The following NAV2 variants were observed in gnomAD, a reference collection of about 807,000 sequenced individuals.
NAV2 encodes helicase, APC down-regulated 1.
In NAV2, 54 loss-of-function variants were observed where a neutral mutation model predicts 223.2. The ratio of observed to expected loss-of-function variants is 0.24; its 90% CI spans 0.19 to 0.30. The LOEUF is 0.30. Ranked by LOEUF, NAV2 falls within the 10% of genes least tolerant of loss-of-function variation. NAV2 has a pLI of 1.00. For missense variants in NAV2, 2,806 were observed against 3,147.5 expected (o/e 0.89, Z 2.60); for synonymous variants, 1,279 against 1,239.3 (o/e 1.03, Z -0.67).
chr11:19,394,697 G>T (rs1849381230), intron 1 of NAV2, among the ~76,000 whole-genome samples: 1 of 152,220 alleles, frequency 6.6e-6, no homozygotes, highest in Admixed American at 6.5e-5. Context: ...CAGGCAGAGT[G>T]AAGTTGATGA....
chr11:19,491,071 G>A (rs997914379), intron 1 of NAV2, among the ~76,000 whole-genome samples: 3 of 152,042 alleles, frequency 2.0e-5, no homozygotes, highest in African/African-American at 7.2e-5. Context: ...AAAATATTTA[G>A]TAAACCATGC....
intron 25 of NAV2, chr11:20,082,531 T>G (rs2060154857): frequency 5.7e-6 from 9 of 1,575,760 alleles, no homozygotes; most frequent in Non-Finnish European, 7.9e-6. Context: ...TGGCTTTCTC[T>G]GTTAAAAAAT....
intron 1 of NAV2, among the ~76,000 whole-genome samples, chr11:19,537,865 A>G (rs1181183018): frequency 6.6e-6 from 1 of 152,246 alleles, no homozygotes. Flanking sequence ...GGAAATAATA[A>G]TAGCACCTGC....
intron 1 of NAV2, among the ~76,000 whole-genome samples, chr11:19,389,267 C>T (rs1381908015): frequency 6.6e-6 from 1 of 152,214 alleles, no homozygotes; most frequent in African/African-American, 2.4e-5. Flanking sequence ...CTACTATGCA[C>T]AAGACAGGGC....
At chr11:19,701,126 T>C (rs2049500655) in intron 1 of NAV2, among the ~76,000 whole-genome samples, 1 of 152,160 alleles carries the variant, frequency 6.6e-6, no homozygotes, top group African/African-American at 2.4e-5. Flanking sequence ...CACAGTGAAG[T>C]CTGCCAGATC....
Position 19,602,839 on chromosome 11 carries a change from C to A in NAV2, c.76-229645C>A, listed in dbSNP as rs1401793351. The stretch of plus-strand genomic sequence containing the variant: ...CTAATCTAGGATAATCTCATCTATA[C>A]CATTAACTTTATACCTGCAAAGATC... On this transcript the variant is annotated intron_variant, in intron 1 of 37. Coordinates refer to the NAV2 transcript ENST00000360655. Among the ~76,000 whole-genome samples the A allele has an allele frequency of 5.4e-5, 8 of 148,508 alleles. 1 individual carries two copies. The East Asian group carries it at 1.6e-3, about 30-fold the overall frequency.
intron 18 of NAV2, among the ~76,000 whole-genome samples, chr11:20,054,893 C>A (rs1207661645): frequency 6.6e-6 from 1 of 152,064 alleles, no homozygotes; most frequent in Non-Finnish European, 1.5e-5. Context: ...GAGAACAATC[C>A]AGAGCTTTAT....
chr11:19,793,206 C>CAAAAAAAAAAA (rs557365857), intron 1 of NAV2, among the ~76,000 whole-genome samples: 1 of 58,264 alleles, frequency 1.7e-5, no homozygotes, highest in African/African-American at 6.6e-5. Flanking sequence ...CACTCTGTCT[C>CAAAAAAAAAAA]AAAAAAAAAA....
rs571131369 is a variant in NAV2 at position 19,556,802 on chromosome 11, A to G, written c.75+205775A>G. Among the ~76,000 whole-genome samples, 7 of 152,376 alleles carry G rather than the reference A, an allele frequency of 4.6e-5. No homozygotes were observed. In the South Asian group the frequency reaches 8.3e-4, roughly 18 times the overall value. On this transcript the variant is annotated intron_variant, in intron 1 of 37. Coordinates refer to the NAV2 transcript ENST00000360655. The stretch of plus-strand genomic sequence containing the variant: ...GTTTCTGTCAGTGACAAAGTTGTCT[A>G]TATAGCTAAAACTACTGTTATTTGA...
upstream of NAV2, among the ~76,000 whole-genome samples, chr11:19,348,851 C>T (rs954757489): frequency 5.9e-5 from 9 of 152,308 alleles, no homozygotes; most frequent in African/African-American, 2.2e-4. Flanking sequence ...AGATTTGAAC[C>T]TAGGTCTGCC....
chr11:19,802,826 A>AATC, intron 1 of NAV2, among the ~76,000 whole-genome samples: 1 of 152,172 alleles, frequency 6.6e-6, no homozygotes, highest in Non-Finnish European at 1.5e-5. Flanking sequence ...CTCCCACACA[A>AATC]ATCAGCCTTC....
chr11:19,565,080 A>G (rs2045224883), intron 1 of NAV2, among the ~76,000 whole-genome samples: 1 of 151,860 alleles, frequency 6.6e-6, no homozygotes, highest in African/African-American at 2.4e-5. Flanking sequence ...TGTTGCAGTG[A>G]GCCGAGATCA....
At chr11:19,547,043 G>C (rs1353443512) in intron 1 of NAV2, among the ~76,000 whole-genome samples, 6 of 152,304 alleles carry the variant, frequency 3.9e-5, no homozygotes, top group Admixed American at 3.3e-4. Context: ...GGGTGCACCG[G>C]AACTGTGTCC....
At chr11:19,509,936 A>T (rs1004926006) in intron 1 of NAV2, among the ~76,000 whole-genome samples, 4 of 152,126 alleles carry the variant, frequency 2.6e-5, no homozygotes, top group Non-Finnish European at 4.4e-5. Context: ...GTCTTTTCTC[A>T]TTCCTGGGGT....
In NAV2 at chr11:20,023,915, T is replaced by G. The variant is rs113512687; in HGVS notation, c.2769-12044T>G. On this transcript the variant is annotated intron_variant, in intron 11 of 37. Coordinates refer to ENST00000349880, the MANE Select transcript of NAV2 (RefSeq NM_145117.5). ...CAAGCATCTAGCAGACATTGTGTCA[T>G]TCAATTTCATTGCAAAGCCAGGGAG... is the stretch of plus-strand genomic sequence containing the variant. Among the ~76,000 whole-genome samples, 62 of 152,260 alleles carry G rather than the reference T, an allele frequency of 4.1e-4. 1 individual carries two copies. Among genetic ancestry groups the G allele is most frequent in the African/African-American group, 1.4e-3 (59 of 41,540 alleles).
chr11:19,892,484 C>A lies in NAV2; in HGVS notation c.821C>A (p.Thr274Lys). ...TCCGCTGCAGGCAGCGAGGCCAAAACACGCGGAGGGTCAACTACTGCTAAC... is the reference window on the plus strand; with the variant it reads ...TCCGCTGCAGGCAGCGAGGCCAAAAAACGCGGAGGGTCAACTACTGCTAAC... ...RVSAAGSEAK[T>K]RGGSTTANNR... is the part of the protein sequence containing the mutation. Residue 274 changes from threonine (T) to lysine (K), a missense_variant, in exon 6 of 38, where the codon ACA becomes AAA. By Grantham distance (78) the Thr-to-Lys change is moderately conservative. This residue lies in a region of NAV2 where 1,167 missense variants were observed against 1,180.5 expected (regional missense o/e 0.99). Transcript: ENST00000349880. 6.2e-7 allele frequency: 1 copy of A among 1,614,154 alleles called. No individual in the cohort carries two copies. Among genetic ancestry groups the A allele is most frequent in the Non-Finnish European group, 8.5e-7 (1 of 1,180,010 alleles).
At chr11:20,076,060 C>G (rs1210341823) in intron 22 of NAV2, among the ~76,000 whole-genome samples, 1 of 152,116 alleles carries the variant, frequency 6.6e-6, no homozygotes, top group African/African-American at 2.4e-5. Context: ...TTTGCAGTAC[C>G]TGAACAGTTC....
intron 24 of NAV2, 42 bp downstream of exon 24, chr11:20,078,146 C>G (rs764002580): frequency 1.5e-6 from 2 of 1,362,080 alleles, no homozygotes; most frequent in Non-Finnish European, 2.1e-6. Flanking sequence ...GACCTGCCTG[C>G]CCTTAGGAGC....
intron 1 of NAV2, among the ~76,000 whole-genome samples, chr11:19,487,368 C>T (rs2042477711): frequency 2.0e-5 from 3 of 152,176 alleles, no homozygotes; most frequent in South Asian, 2.1e-4. Context: ...ACATTTGACA[C>T]GTTTCCAATG....
Sources: allele counts gnomAD v4.1 joint callset (sites outside exome capture counted in the v4.1 genomes callset), GRCh38; gene constraint gnomAD v4.1.1; regional missense constraint gnomAD v4.1.1; transcripts MANE v1.5; gene names NCBI Gene and HGNC (gene_info 2026-07-23, HGNC 2026-07-21).